Variants in C9 observed in about 807,000 individuals in gnomAD.
C9 encodes complement C9.
Under a neutral mutation model 65.4 loss-of-function variants are expected in C9, and 63 were observed. That is an observed-to-expected ratio of 0.96 (90% CI 0.79 to 1.19). The LOEUF (loss-of-function observed/expected upper bound fraction) is 1.19. C9 is among the 50% of genes most tolerant of loss of function. The pLI is 0.00. For synonymous variants in C9, 229 were observed against 227.9 expected (o/e 1.00, Z -0.04); for missense variants, 744 against 670.1 (o/e 1.11, Z -1.22).
In C9 at chr5:39,308,269, T is replaced by C. The variant is rs1319236276; in HGVS notation, c.1201A>G (p.Asn401Asp). 1 of 1,612,804 alleles carries C rather than the reference T, an allele frequency of 6.2e-7. No homozygotes were observed. The highest frequency in any genetic ancestry group is 8.5e-7 in the Non-Finnish European group (1 of 1,178,982). ...FSEISVGAEF[N>D]KDDCVKRGEG... ...CCCCTCTTTACACAATCATCTTTAT[T>C]AAATTCAGCTCCAACAGAGATTTCA... The change falls in exon 8 of 11, where the codon AAT (asparagine) becomes GAT (aspartate). Residue 401 changes from asparagine to aspartate, a missense_variant. Transcript: ENST00000263408.
chr5:39,308,101 G>T, intron 8 of C9, 129 bp downstream of exon 8: 5 of 877,944 alleles, frequency 5.7e-6, no homozygotes, highest in Non-Finnish European at 9.6e-6. Flanking sequence ...TTTGAAAACC[G>T]CTTTAAATGT....
intron 1 of C9, among the ~76,000 whole-genome samples, chr5:39,344,584 T>C (rs1754154248): frequency 6.6e-6 from 1 of 152,288 alleles, no homozygotes; most frequent in East Asian, 1.9e-4. Context: ...TGGAACCAAG[T>C]TGGAAAACAC....
At chr5:39,360,850 T>C (rs1754504464) in intron 1 of C9, among the ~76,000 whole-genome samples, 1 of 152,096 alleles carries the variant, frequency 6.6e-6, no homozygotes, top group African/African-American at 2.4e-5. Flanking sequence ...CTGGTGAAAG[T>C]GCAAAATAAT....
chr5:39,299,088 TAATGGTGC>T (rs1287393470), intron 9 of C9, among the ~76,000 whole-genome samples: 4 of 151,830 alleles, frequency 2.6e-5, no homozygotes, highest in African/African-American at 9.7e-5. Flanking sequence ...ACATCATACT[TAATGGTGC>T]AATATTATAT....
rs1753037890 is a variant in C9 at position 39,288,814 on chromosome 5, T to C, written c.1554A>G (p.Thr518=). The C allele has an allele frequency of 6.2e-7, 1 of 1,612,248 alleles. No individual in the cohort carries two copies. The highest frequency in any genetic ancestry group is 8.5e-7 in the Non-Finnish European group (1 of 1,178,648). ...RKCHTCQNGG[T]VILMDGKCLC... ...AACACTTTCCATCCATTAGAATCAC[T>C]GTACCTCCATTTTGGCATGTGTGGC... The change falls in exon 10 of 11, where the codon ACA becomes ACG. Residue 518 remains threonine, a synonymous_variant. Transcript: ENST00000263408.
intron 5 of C9, among the ~76,000 whole-genome samples, chr5:39,323,921 AAAAAC>A (rs1180657762): frequency 6.6e-6 from 1 of 152,176 alleles, no homozygotes; most frequent in African/African-American, 2.4e-5. Flanking sequence ...ACACCACCCA[AAAAAC>A]AAAACAAGAC....
intron 10 of C9, among the ~76,000 whole-genome samples, chr5:39,286,433 G>C (rs1261594201): frequency 1.3e-5 from 2 of 151,936 alleles, no homozygotes; most frequent in African/African-American, 4.8e-5. Context: ...TTAACATGTT[G>C]AAAGCTATAA....
rs1752968980 is a variant in C9 at position 39,285,183 on chromosome 5, A to G, written c.*16T>C. 21 of 1,610,594 alleles carry G rather than the reference A, an allele frequency of 1.3e-5. No homozygotes were observed. The highest frequency in any genetic ancestry group is 1.8e-5 in the Non-Finnish European group (21 of 1,176,832). ...GTGTTTTCTTCTTCCACTGGAGCTC[A>G]GAGAAGCCAACAGCTCTATTTTTCA... On this transcript the variant is annotated 3_prime_UTR_variant, in exon 11 of 11. Coordinates refer to ENST00000263408, the MANE Select transcript of C9 (RefSeq NM_001737.5).
chr5:39,322,150 A>C (rs1753675996), intron 5 of C9, among the ~76,000 whole-genome samples: 1 of 152,072 alleles, frequency 6.6e-6, no homozygotes, highest in African/African-American at 2.4e-5. Flanking sequence ...AATATTAAGG[A>C]TCTCTTTTGA....
At chr5:39,333,440 G>T (rs1362205964) in intron 4 of C9, among the ~76,000 whole-genome samples, 4 of 152,184 alleles carry the variant, frequency 2.6e-5, no homozygotes, top group African/African-American at 9.7e-5. Context: ...GGTAGCTGCT[G>T]CCCCTTCAAC....
intron 1 of C9, among the ~76,000 whole-genome samples, chr5:39,353,305 A>G (rs183786597): frequency 6.6e-6 from 1 of 152,346 alleles, no homozygotes; most frequent in Admixed American, 6.5e-5. Context: ...TTTGTGTTTT[A>G]AGCCACTAAG....
intron 1 of C9, among the ~76,000 whole-genome samples, chr5:39,358,748 G>T (rs1328094485): frequency 6.6e-6 from 1 of 151,998 alleles, no homozygotes; most frequent in Non-Finnish European, 1.5e-5. Flanking sequence ...CACTTTGGGA[G>T]GCCAAGGCGG....
intron 1 of C9, among the ~76,000 whole-genome samples, chr5:39,344,119 T>TC (rs1246299326): frequency 6.6e-6 from 1 of 151,738 alleles, no homozygotes; most frequent in Non-Finnish European, 1.5e-5. Flanking sequence ...AGAGCACCTC[T>TC]CCCCCTCCAA....
chr5:39,337,034 A>G (rs759072226), intron 4 of C9, among the ~76,000 whole-genome samples: 3 of 151,902 alleles, frequency 2.0e-5, no homozygotes, highest in Non-Finnish European at 4.4e-5. Flanking sequence ...GGTGAGGAGT[A>G]TACTCTGCTC....
At chr5:39,299,373 A>G (rs1207102668) in intron 9 of C9, among the ~76,000 whole-genome samples, 2 of 152,128 alleles carry the variant, frequency 1.3e-5, no homozygotes, top group African/African-American at 4.8e-5. Context: ...TCAAATATTT[A>G]TAATGGCTTT....
chr5:39,317,577 C>T (rs1467834825), intron 5 of C9, among the ~76,000 whole-genome samples: 1 of 152,148 alleles, frequency 6.6e-6, no homozygotes, highest in Non-Finnish European at 1.5e-5. Flanking sequence ...CCAGTTCTCC[C>T]AGCACTATTT....
At chr5:39,351,426 C>A (rs766992341) in intron 1 of C9, among the ~76,000 whole-genome samples, 14 of 152,194 alleles carry the variant, frequency 9.2e-5, no homozygotes, top group Non-Finnish European at 1.9e-4. Context: ...TCTTTTCTAC[C>A]TTATGGTCAG....
intron 1 of C9, among the ~76,000 whole-genome samples, chr5:39,355,221 T>C (rs941744912): frequency 1.3e-5 from 2 of 152,198 alleles, no homozygotes; most frequent in African/African-American, 4.8e-5. Context: ...GAATCATGCA[T>C]GGAAGGTAAA....
chr5:39,316,964 A>G (rs1422157042), intron 5 of C9, among the ~76,000 whole-genome samples: 1 of 152,210 alleles, frequency 6.6e-6, no homozygotes, highest in East Asian at 1.9e-4. Flanking sequence ...ACACCCACCA[A>G]CACTGTAAAA....
Sources: gnomAD v4.1 joint callset for allele counts (sites outside exome capture counted in the v4.1 genomes callset) on GRCh38, gnomAD v4.1.1 for gene constraint, MANE v1.5 for transcripts, NCBI Gene and HGNC (gene_info 2026-07-23, HGNC 2026-07-21) for gene names.